Variants in DLGAP2 observed in about 807,000 individuals in gnomAD.
DLGAP2 encodes the protein DLG associated protein 2.
DLGAP2 carries 26 observed loss-of-function variants against 100.3 expected under a neutral mutation model. The observed-to-expected ratio is 0.26, with a 90% CI of 0.19 to 0.36. The LOEUF (loss-of-function observed/expected upper bound fraction) is 0.36, where lower values mean the gene tolerates loss of function less well. Among genes scored for constraint, DLGAP2 ranks in the 10% least tolerant of loss-of-function variants. The pLI, the probability that DLGAP2 is intolerant of heterozygous loss-of-function variation, is 1.00. For missense variants in DLGAP2, 1,858 were observed against 1,453.2 expected (o/e 1.28, Z -4.53); for synonymous variants, 886 against 630.1 (o/e 1.41, Z -6.08).
chr8:946,032 T>C (rs1025383352), intron 2 of DLGAP2, among the ~76,000 whole-genome samples: 1 of 152,068 alleles, frequency 6.6e-6, no homozygotes, highest in South Asian at 2.1e-4. Flanking sequence ...ACTCCTTTGC[T>C]CCTGAATAGG....
At chr8:1,359,302 C>G (rs969165311) in intron 3 of DLGAP2, among the ~76,000 whole-genome samples, 1 of 152,242 alleles carries the variant, frequency 6.6e-6, no homozygotes, top group African/African-American at 2.4e-5. Context: ...GCGGTCCATG[C>G]GCCCTGGTTA....
At chr8:1,018,162 C>A (rs1312127018) in intron 2 of DLGAP2, among the ~76,000 whole-genome samples, 1 of 151,944 alleles carries the variant, frequency 6.6e-6, no homozygotes, top group African/African-American at 2.4e-5. Context: ...CAGTCAGATG[C>A]ATTATCCTAG....
At chr8:1,662,114 T>A (rs17749463) in intron 8 of DLGAP2, among the ~76,000 whole-genome samples, 8,425 of 152,308 alleles carry the variant, frequency 0.055, 302 homozygotes, top group Middle Eastern at 0.18. Flanking sequence ...GCTTTGGAAA[T>A]CAGTGGGTCC....
intron 3 of DLGAP2, among the ~76,000 whole-genome samples, chr8:1,497,185 G>A (rs1001933725): frequency 1.2e-4 from 18 of 152,328 alleles, no homozygotes; most frequent in African/African-American, 3.4e-4. Context: ...ATTCCCACGC[G>A]TGAATGGATG....
chr8:948,061 CGCCATGGCT>C, intron 2 of DLGAP2, among the ~76,000 whole-genome samples: 1 of 143,724 alleles, frequency 7.0e-6, no homozygotes. Flanking sequence ...ACCGCGTGTG[CGCCATGGCT>C]TCCCCGACCC....
At chr8:1,681,846 C>G (rs149524397) in intron 12 of DLGAP2, among the ~76,000 whole-genome samples, 16 of 150,954 alleles carry the variant, frequency 1.1e-4, no homozygotes, top group African/African-American at 1.9e-4. Context: ...AGCGGTGACC[C>G]GGGACTGGGA....
intron 2 of DLGAP2, among the ~76,000 whole-genome samples, chr8:1,140,304 G>A (rs1796499532): frequency 7.1e-6 from 1 of 141,680 alleles, no homozygotes; most frequent in Non-Finnish European, 1.6e-5. Flanking sequence ...GCTCTGGATG[G>A]TCCCACGCCT....
rs1271029968 is a variant in DLGAP2, at chr8:1,634,548, A to G, written c.1810+1502A>G. ...TTGGTGAAGTCCTGGGCCAGTTCTC[A>G]TGCTCTGTCCTGATGTGAACATTGA... On this transcript the variant is annotated intron_variant, in intron 8 of 14. Coordinates refer to ENST00000637795, the MANE Select transcript of DLGAP2 (RefSeq NM_001346810.2). Among the ~76,000 whole-genome samples, 4 of 152,214 alleles carry G rather than the reference A, an allele frequency of 2.6e-5. No individual in the cohort carries two copies. In the East Asian group the frequency reaches 7.7e-4, roughly 29 times the overall value.
chr8:1,685,562 C>T (rs1799092698), intron 12 of DLGAP2, among the ~76,000 whole-genome samples: 1 of 152,022 alleles, frequency 6.6e-6, no homozygotes, highest in South Asian at 2.1e-4. Flanking sequence ...GCCATACAAC[C>T]CAACTAAATG....
At chr8:1,275,778 TA>T (rs1231692155) in intron 3 of DLGAP2, among the ~76,000 whole-genome samples, 1 of 126,180 alleles carries the variant, frequency 7.9e-6, no homozygotes, top group African/African-American at 3.0e-5. Context: ...ATATTATATA[TA>T]AAAATATATA....
intron 6 of DLGAP2, among the ~76,000 whole-genome samples, chr8:1,576,465 T>G (rs1192860192): frequency 6.6e-6 from 1 of 152,204 alleles, no homozygotes; most frequent in African/African-American, 2.4e-5. Context: ...AGAAGCTCTT[T>G]AGTTTAATTA....
chr8:1,219,310 A>T (rs1315859409), intron 2 of DLGAP2, among the ~76,000 whole-genome samples: 1 of 152,080 alleles, frequency 6.6e-6, no homozygotes, highest in Non-Finnish European at 1.5e-5. Context: ...CTAGTTTGTG[A>T]GGGTTTTTAA....
At chr8:1,567,764 A>T (rs75855734) in intron 6 of DLGAP2, among the ~76,000 whole-genome samples, 1,889 of 152,176 alleles carry the variant, frequency 0.012, 54 homozygotes, top group African/African-American at 0.043. Context: ...TGTAGTTGAA[A>T]CTCTTCAAAA....
intron 2 of DLGAP2, among the ~76,000 whole-genome samples, chr8:1,098,058 G>A (rs542771601): frequency 6.6e-6 from 1 of 152,376 alleles, no homozygotes; most frequent in South Asian, 2.1e-4. Context: ...TTGATCTGAA[G>A]AGAAAACTGC....
chr8:1,604,632 G>A (rs62485535), intron 6 of DLGAP2: 41,111 of 87,938 alleles, frequency 0.47, 6,310 homozygotes, highest in East Asian at 0.65. Flanking sequence ...ACTAGCATGC[G>A]GAAGACCGTG....
Position 1,285,308 on chromosome 8 carries a change from C to G in DLGAP2, c.106+26425C>G, listed in dbSNP as rs74974090. ...CATGATTCATTGTTAAAAAATAAAA[C>G]AGTGCATACATTTATTTTTTTAATA... On this transcript the variant is annotated intron_variant, in intron 3 of 14. Transcript: ENST00000637795. Among the ~76,000 whole-genome samples, 114 of 152,280 alleles carry G rather than the reference C, an allele frequency of 7.5e-4. 2 individuals carry two copies. Among genetic ancestry groups the G allele is most frequent in the Middle Eastern group, 6.8e-3 (2 of 294 alleles).
At chr8:1,228,800 C>T (rs967272221) in intron 2 of DLGAP2, among the ~76,000 whole-genome samples, 12 of 152,098 alleles carry the variant, frequency 7.9e-5, no homozygotes, top group South Asian at 2.1e-4. Flanking sequence ...ATAACATATA[C>T]GAACAACCTA....
intron 3 of DLGAP2, among the ~76,000 whole-genome samples, chr8:1,387,282 G>T (rs1022588468): frequency 1.3e-5 from 2 of 152,170 alleles, no homozygotes; most frequent in African/African-American, 2.4e-5. Flanking sequence ...AGTATTATCA[G>T]ATTTTTGTAA....
chr8:1,362,245 A>C (rs1801998511), intron 3 of DLGAP2, among the ~76,000 whole-genome samples: 1 of 152,028 alleles, frequency 6.6e-6, no homozygotes, highest in African/African-American at 2.4e-5. Flanking sequence ...GGTGTTCCCC[A>C]CAGTGGCAGC....
Sources: gnomAD v4.1 joint callset for allele counts (sites outside exome capture counted in the v4.1 genomes callset) on GRCh38, gnomAD v4.1.1 for gene constraint, MANE v1.5 for transcripts, NCBI Gene and HGNC (gene_info 2026-07-23, HGNC 2026-07-21) for gene names.